ZNF143: variants seen among roughly 807,000 people sequenced by gnomAD.
The protein encoded by ZNF143 is zinc finger protein 143.
Under a neutral mutation model 74.1 loss-of-function variants are expected in ZNF143, and 49 were observed. That is an observed-to-expected ratio of 0.66 (90% CI 0.53 to 0.84). ZNF143 has a LOEUF of 0.84. Among genes scored for constraint, ZNF143 ranks in the 40% least tolerant of loss-of-function variants. ZNF143 has a pLI of 0.00. For synonymous variants in ZNF143, 304 were observed against 282.8 expected, an observed-to-expected ratio of 1.07 and a Z score of -0.75; for missense variants, 637 against 793.4, an observed-to-expected ratio of 0.80 and a Z score of 2.37.
At chr11:9,470,520 A>G (rs889762479) in intron 1 of ZNF143, among the ~76,000 whole-genome samples, 1 of 152,108 alleles carries the variant, frequency 6.6e-6, no homozygotes, top group South Asian at 2.1e-4. Flanking sequence ...TGAATAATGA[A>G]GATACTGGGG....
In ZNF143 at chr11:9,525,431, C is replaced by T. The variant is rs754217259; in HGVS notation, c.1833+45C>T. On this transcript the variant is annotated intron_variant, in intron 15 of 15. Coordinates refer to ENST00000396602, the MANE Select transcript of ZNF143 (RefSeq NM_003442.6). ...GTCCTCAGTCGACAGCAGTGCTGCTCATAGCTTTCAACTTTGTACACTGTG... is the reference window on the plus strand; with the variant it reads ...GTCCTCAGTCGACAGCAGTGCTGCTTATAGCTTTCAACTTTGTACACTGTG... The T allele has an allele frequency of 3.1e-6, 5 of 1,612,028 alleles. No individual in the cohort carries two copies. The South Asian group carries it at 3.3e-5, about 11-fold the overall frequency.
At chr11:9,488,704 A>G (rs978317238) in intron 7 of ZNF143, among the ~76,000 whole-genome samples, 1 of 152,208 alleles carries the variant, frequency 6.6e-6, no homozygotes, top group Non-Finnish European at 1.5e-5. Flanking sequence ...TGAGAGCCCT[A>G]CAAAGGCAGG....
chr11:9,477,401 C>T (rs112159417), intron 5 of ZNF143, among the ~76,000 whole-genome samples: 2,721 of 152,092 alleles, frequency 0.018, 73 homozygotes, highest in African/African-American at 0.06. Flanking sequence ...ACTACAGGTG[C>T]GCGCCACCAT....
rs1416724014 is a variant in ZNF143 at position 9,471,910 on chromosome 11, TTTTC to T, written c.112+494_112+497del. ...GGAGGGCAGGGAATTTTTTTTTTCT[TTTTC>T]TTTTTCTTTTCTTTTCTTTTGTTTT... On this transcript the variant is annotated intron_variant, in intron 2 of 15. Coordinates refer to ENST00000396602, the MANE Select transcript of ZNF143 (RefSeq NM_003442.6). Among the ~76,000 whole-genome samples, 5 of 147,002 alleles carry T rather than the reference TTTTC, an allele frequency of 3.4e-5. No homozygotes were observed. The East Asian group carries it at 7.9e-4, about 23-fold the overall frequency.
At chr11:9,489,642 T>G (rs1847694799) in intron 7 of ZNF143, among the ~76,000 whole-genome samples, 1 of 152,066 alleles carries the variant, frequency 6.6e-6, no homozygotes, top group African/African-American at 2.4e-5. Flanking sequence ...CAGATATGAG[T>G]CTCTCTGGAG....
chr11:9,500,331 CTTT>C (rs11327903), intron 10 of ZNF143, among the ~76,000 whole-genome samples: 15 of 143,220 alleles, frequency 1.0e-4, no homozygotes, highest in Non-Finnish European at 1.1e-4. Flanking sequence ...ACTAGATTTT[CTTT>C]TTTTTTTTTT....
intron 5 of ZNF143, among the ~76,000 whole-genome samples, chr11:9,476,869 C>T (rs1246514130): frequency 2.8e-5 from 4 of 140,638 alleles, no homozygotes; most frequent in Non-Finnish European, 4.6e-5. Context: ...ACACCATTCT[C>T]CTGCCTCAGC....
chr11:9,493,289 C>G (rs908721396), intron 7 of ZNF143, among the ~76,000 whole-genome samples: 2 of 152,084 alleles, frequency 1.3e-5, no homozygotes, highest in African/African-American at 4.8e-5. Flanking sequence ...CCAGGATGGT[C>G]TCGATCTCTT....
intron 1 of ZNF143, among the ~76,000 whole-genome samples, chr11:9,469,862 T>G (rs1381901860): frequency 6.6e-6 from 1 of 152,234 alleles, no homozygotes; most frequent in Non-Finnish European, 1.5e-5. Flanking sequence ...CTGACAGTTA[T>G]CATGGCACTG....
At chr11:9,494,161 C>T (rs777093956) in intron 7 of ZNF143, among the ~76,000 whole-genome samples, 2 of 152,176 alleles carry the variant, frequency 1.3e-5, no homozygotes, top group Non-Finnish European at 2.9e-5. Context: ...GAGTCACTGA[C>T]TTCAACCATG....
At chr11:9,509,860 G>C (rs1848478788) in intron 12 of ZNF143, among the ~76,000 whole-genome samples, 1 of 152,202 alleles carries the variant, frequency 6.6e-6, no homozygotes, top group African/African-American at 2.4e-5. Context: ...ACTGGTCAAA[G>C]AGTACAGTTT....
intron 8 of ZNF143, 81 bp from the exon 9 acceptor site, chr11:9,496,222 G>A: frequency 8.0e-7 from 1 of 1,247,270 alleles, no homozygotes; most frequent in Non-Finnish European, 1.2e-6. Context: ...TAGCAGTGTG[G>A]GAAAAAGTAG....
At chr11:9,522,469 A>G (rs1848969270) in intron 14 of ZNF143, among the ~76,000 whole-genome samples, 1 of 152,058 alleles carries the variant, frequency 6.6e-6, no homozygotes, top group African/African-American at 2.4e-5. Context: ...TTGTCTTACA[A>G]GTTGCTGGGA....
chr11:9,485,191 C>T lies in ZNF143; in HGVS notation c.645+5645C>T, dbSNP rs921207337. Among the ~76,000 whole-genome samples, 23 of 150,934 alleles carry T rather than the reference C, an allele frequency of 1.5e-4. 1 individual carries two copies. The highest frequency in any genetic ancestry group is 4.2e-4 in the African/African-American group (17 of 40,524). The stretch of plus-strand genomic sequence containing the variant: ...CAAAATGACCCGTAATCTTACTCTA[C>T]GTATCTATTTTACATATTTTTAAAT... On this transcript the variant is annotated intron_variant, in intron 7 of 15. Transcript: ENST00000396602.
chr11:9,500,579 G>A (rs946471258), intron 10 of ZNF143, among the ~76,000 whole-genome samples: 2 of 151,778 alleles, frequency 1.3e-5, no homozygotes, highest in African/African-American at 2.4e-5. Context: ...GATTACAGGC[G>A]CCCGGCACCA....
intron 1 of ZNF143, among the ~76,000 whole-genome samples, chr11:9,469,325 G>A (rs1856438901): frequency 6.7e-6 from 1 of 148,948 alleles, no homozygotes; most frequent in Non-Finnish European, 1.5e-5. Flanking sequence ...TCCACCTCCC[G>A]GGTTCAGGCA....
At chr11:9,522,065 CAAA>C (rs34484384) in intron 14 of ZNF143, among the ~76,000 whole-genome samples, 6 of 97,572 alleles carry the variant, frequency 6.1e-5, no homozygotes, top group Admixed American at 1.1e-4. Flanking sequence ...GACCCTGTCT[CAAA>C]AAAAAAAAAA....
intron 14 of ZNF143, among the ~76,000 whole-genome samples, chr11:9,518,389 C>A (rs1054819307): frequency 1.3e-5 from 2 of 152,114 alleles, no homozygotes; most frequent in Admixed American, 6.6e-5. Flanking sequence ...TCAATAAGCA[C>A]ATGAAAAGAT....
intron 13 of ZNF143, among the ~76,000 whole-genome samples, chr11:9,515,351 A>G (rs1265901073): frequency 6.6e-6 from 1 of 151,968 alleles, no homozygotes; most frequent in African/African-American, 2.4e-5. Flanking sequence ...AGGAAATGCA[A>G]TTAAGAAATA....
Sources: allele counts gnomAD v4.1 joint callset (sites outside exome capture counted in the v4.1 genomes callset), GRCh38; gene constraint gnomAD v4.1.1; transcripts MANE v1.5; gene names NCBI Gene and HGNC (gene_info 2026-07-23, HGNC 2026-07-21).